MTG1: variants seen among roughly 807,000 people sequenced by gnomAD.
MTG1 encodes mitochondrial ribosome-associated GTPase 1.
MTG1 carries 30 observed loss-of-function variants against 39.5 expected under a neutral mutation model. That is an observed-to-expected ratio of 0.76 (90% CI 0.57 to 1.03). The LOEUF (loss-of-function observed/expected upper bound fraction) is 1.03, where lower values mean the gene tolerates loss of function less well. Among genes scored for constraint, MTG1 ranks in the 50% least tolerant of loss-of-function variants. The probability of loss-of-function intolerance (pLI) is 0.00; values close to 1 mark genes in which losing one functional copy is unlikely to be tolerated. For missense variants in MTG1, 513 were observed against 447.4 expected (o/e 1.15, Z -1.32); for synonymous variants, 217 against 179.0 (o/e 1.21, Z -1.69).
intron 2 of MTG1, 152 bp from the exon 3 acceptor site, chr10:133,396,011 A>T: frequency 1.2e-6 from 1 of 822,398 alleles, no homozygotes; most frequent in South Asian, 1.6e-5. Context: ...TAGATGGGCT[A>T]TGAAACTGTT....
chr10:133,418,557 C>T (rs1850171256), intron 9 of MTG1, among the ~76,000 whole-genome samples: 1 of 151,910 alleles, frequency 6.6e-6, no homozygotes, highest in South Asian at 2.1e-4. Flanking sequence ...TGCTTGGTGC[C>T]TCCGAGAAGT....
Position 133,405,903 on chromosome 10 carries a change from A to T in MTG1, c.752+3130A>T, listed in dbSNP as rs1589914068. Among the ~76,000 whole-genome samples the T allele has an allele frequency of 2.0e-5, 3 of 152,004 alleles. No homozygotes were observed. In the South Asian group the frequency reaches 6.2e-4, roughly 32 times the overall value. ...AGTTCTATTTGTAGTGTTTTGAAGA[A>T]CCTCCATACTGTTTTCCATAGTAGC... On this transcript the variant is annotated intron_variant, in intron 9 of 10. Coordinates refer to ENST00000317502, the MANE Select transcript of MTG1 (RefSeq NM_138384.4).
chr10:133,397,878 T>G (rs1849811611), intron 3 of MTG1, among the ~76,000 whole-genome samples: 1 of 152,084 alleles, frequency 6.6e-6, no homozygotes, highest in Non-Finnish European at 1.5e-5. Context: ...TGACTTTTTG[T>G]AGACTGGTGG....
At chr10:133,417,537 G>T (rs947398929) in intron 9 of MTG1, among the ~76,000 whole-genome samples, 22 of 151,826 alleles carry the variant, frequency 1.4e-4, no homozygotes, top group African/African-American at 5.3e-4. Context: ...GGGCAGTTAG[G>T]CAGGAGAAGG....
At chr10:133,413,918 C>CTTTTTTTTTTTTTTTT (rs1285224313) in intron 9 of MTG1, among the ~76,000 whole-genome samples, 3 of 136,088 alleles carry the variant, frequency 2.2e-5, no homozygotes, top group Non-Finnish European at 3.2e-5. Flanking sequence ...GTTTTCTTTT[C>CTTTTTTTTTTTTTTTT]TTTTTTTTTT....
intron 9 of MTG1, among the ~76,000 whole-genome samples, chr10:133,415,498 G>A (rs1025076571): frequency 5.9e-5 from 9 of 152,104 alleles, no homozygotes; most frequent in Non-Finnish European, 1.2e-4. Flanking sequence ...TCTCACTTGC[G>A]TGGTGTCTGA....
chr10:133,414,331 G>A (rs4628602), intron 9 of MTG1, among the ~76,000 whole-genome samples: 70,500 of 150,856 alleles, frequency 0.47, 18,769 homozygotes, highest in African/African-American at 0.74. Context: ...ACACAGACAC[G>A]GCAACCATCC....
At position 133,420,276 on chromosome 10, in the gene MTG1, G is replaced by T; in HGVS notation, c.*111G>T. 1 of 1,346,490 alleles carries T rather than the reference G, an allele frequency of 7.4e-7. No individual in the cohort carries two copies. The allele number at this position is 1,346,490 out of a possible 1,614,324, so 83.4% of individuals were successfully genotyped here. On this transcript the variant is annotated 3_prime_UTR_variant, in exon 11 of 11. Coordinates refer to ENST00000317502, the MANE Select transcript of MTG1 (RefSeq NM_138384.4). Reference sequence around the variant, plus strand: ...TCCAGAAGCTCCATGCTGGTCACTAGGGTGCTGTGCTCTCTGGCGCCCCAC... The same window carrying T: ...TCCAGAAGCTCCATGCTGGTCACTATGGTGCTGTGCTCTCTGGCGCCCCAC...
intron 5 of MTG1, 61 bp downstream of exon 5, chr10:133,399,287 C>A: frequency 6.4e-7 from 1 of 1,572,566 alleles, no homozygotes; most frequent in Non-Finnish European, 8.7e-7. Context: ...CCAGCCCCTC[C>A]TGCCTGGCCT....
intron 9 of MTG1, among the ~76,000 whole-genome samples, chr10:133,417,866 A>G (rs368748859): frequency 1.3e-5 from 2 of 152,226 alleles, no homozygotes; most frequent in Non-Finnish European, 2.9e-5. Context: ...TGCTCAATGA[A>G]ATAAAAGAGA....
At chr10:133,405,667 A>G (rs189119355) in intron 9 of MTG1, among the ~76,000 whole-genome samples, 194 of 152,274 alleles carry the variant, frequency 1.3e-3, no homozygotes, top group African/African-American at 4.2e-3. Flanking sequence ...AAATGACAAG[A>G]TTTCGTCCTT....
intron 6 of MTG1, chr10:133,399,858 C>T: frequency 2.1e-6 from 1 of 473,406 alleles, no homozygotes; most frequent in South Asian, 3.7e-5. Flanking sequence ...AAATCTTTAA[C>T]ATGAAGATGG....
chr10:133,408,462 A>AT (rs1232543071), intron 9 of MTG1, among the ~76,000 whole-genome samples: 8 of 152,078 alleles, frequency 5.3e-5, no homozygotes, highest in African/African-American at 1.9e-4. Flanking sequence ...GTTGCTGGTC[A>AT]TTTGTTGAGG....
intron 3 of MTG1, 40 bp downstream of exon 3, chr10:133,396,307 G>T: frequency 6.5e-7 from 1 of 1,541,144 alleles, no homozygotes; most frequent in Non-Finnish European, 9.0e-7. Flanking sequence ...CAGTGTGGCT[G>T]TGTTTTCCCG....
intron 9 of MTG1, among the ~76,000 whole-genome samples, chr10:133,404,129 CTTTTTTT>C (rs57165977): frequency 1.1e-5 from 1 of 91,172 alleles, no homozygotes; most frequent in Admixed American, 1.5e-4. Context: ...AAGTTTTAAT[CTTTTTTT>C]TTTTTTTTTT....
chr10:133,416,219 G>A (rs1225712810), intron 9 of MTG1, among the ~76,000 whole-genome samples: 3 of 152,022 alleles, frequency 2.0e-5, no homozygotes, highest in African/African-American at 4.8e-5. Flanking sequence ...CGCAAGTTGA[G>A]TTTGGATCGT....
Position 133,401,526 on chromosome 10 carries a change from C to G in MTG1, c.512-3C>G. ...TGAGCCTCCTTTTCTCCTTTTCCTA[C>G]AGGGAAAGCCACCAGGGTGGGTGGC... On this transcript the variant is annotated splice_region_variant and splice_polypyrimidine_tract_variant and intron_variant, in intron 6 of 10. Transcript: ENST00000317502. 2 of 1,563,390 alleles carry G rather than the reference C, an allele frequency of 1.3e-6. No homozygotes were observed. The highest frequency in any genetic ancestry group is 1.7e-6 in the Non-Finnish European group (2 of 1,155,414).
rs150433701 is a variant in MTG1, at chr10:133,406,187, G to T, written c.752+3414G>T. 2.3e-3 allele frequency among the ~76,000 whole-genome samples: 354 copies of T among 151,878 alleles called. 4 individuals are homozygous for T. The highest frequency in any genetic ancestry group is 6.0e-3 in the African/African-American group (247 of 41,422). ...CTGTCCATTTTTAAATAGTTATGTGGTTTTTTTTGCTGTTGAGTTGAATTG... is the reference window on the plus strand; with the variant it reads ...CTGTCCATTTTTAAATAGTTATGTGTTTTTTTTTGCTGTTGAGTTGAATTG... On this transcript the variant is annotated intron_variant, in intron 9 of 10. Coordinates refer to ENST00000317502, the MANE Select transcript of MTG1 (RefSeq NM_138384.4).
chr10:133,402,927 A>G lies in MTG1; in HGVS notation c.752+154A>G. On this transcript the variant is annotated intron_variant, in intron 9 of 10. Coordinates refer to ENST00000317502, the MANE Select transcript of MTG1 (RefSeq NM_138384.4). This position sits in a 1 kb window ranked among gnomAD's most constrained non-coding sequence, Gnocchi z 4.7. ...AAGCGTCCAGTTGGACAAGTTCGGG[A>G]GTATGGCTATACGTCTGTGAAAGCA... 4.9e-6 allele frequency: 3 copies of G among 615,120 alleles called. No homozygotes were observed. The highest frequency in any genetic ancestry group is 8.5e-6 in the Non-Finnish European group (3 of 353,620). 38.1% of individuals were successfully genotyped at this position (615,120 alleles called of 1,614,324 possible).
Sources: gnomAD v4.1 joint callset for allele counts (sites outside exome capture counted in the v4.1 genomes callset) on GRCh38, gnomAD v4.1.1 for gene constraint, Gnocchi (gnomAD v3.1) non-coding constraint, MANE v1.5 for transcripts, NCBI Gene and HGNC (gene_info 2026-07-23, HGNC 2026-07-21) for gene names.